The following COL22A1 variants were observed in gnomAD, a reference collection of about 807,000 sequenced individuals.
The protein encoded by COL22A1 is collagen alpha-1(XXII) chain.
COL22A1 carries 221 observed loss-of-function variants against 248.9 expected under a neutral mutation model. The ratio of observed to expected loss-of-function variants is 0.89; its 90% CI spans 0.80 to 0.99. The LOEUF (loss-of-function observed/expected upper bound fraction) is 0.99. Among genes scored for constraint, COL22A1 ranks in the 50% least tolerant of loss-of-function variants. The pLI is 0.00. For missense variants in COL22A1, 2,240 were observed against 2,179.0 expected (o/e 1.03, Z -0.56); for synonymous variants, 891 against 793.4 (o/e 1.12, Z -2.07).
At chr8:138,734,051 C>T (rs1032554423) in intron 23 of COL22A1, among the ~76,000 whole-genome samples, 2 of 152,200 alleles carry the variant, frequency 1.3e-5, no homozygotes, top group African/African-American at 4.8e-5. Flanking sequence ...GACCCTGCCT[C>T]GCCCTTGACC....
At chr8:138,718,827 T>C (rs544757930) in intron 27 of COL22A1, among the ~76,000 whole-genome samples, 34 of 152,318 alleles carry the variant, frequency 2.2e-4, no homozygotes, top group Non-Finnish European at 5.9e-5. Context: ...TCTCTGAATC[T>C]TTCAACCATG....
At chr8:138,678,061 G>C (rs1367770730) in intron 40 of COL22A1, among the ~76,000 whole-genome samples, 1 of 152,210 alleles carries the variant, frequency 6.6e-6, no homozygotes, top group African/African-American at 2.4e-5. Context: ...ATGGCTCTAA[G>C]ATGACTTGCC....
intron 47 of COL22A1, among the ~76,000 whole-genome samples, chr8:138,642,802 A>G (rs548617259): frequency 3.1e-3 from 470 of 152,308 alleles, no homozygotes; most frequent in African/African-American, 0.01. Flanking sequence ...AAGCCAAGGC[A>G]GGCAGATCAA....
intron 23 of COL22A1, among the ~76,000 whole-genome samples, chr8:138,735,820 G>A (rs1235575973): frequency 6.6e-6 from 1 of 152,188 alleles, no homozygotes; most frequent in Non-Finnish European, 1.5e-5. Context: ...TTTCATGTCA[G>A]CCAGTAGGAA....
chr8:138,645,457 G>C lies in COL22A1; in HGVS notation c.3501+1172C>G, dbSNP rs533857013. Among the ~76,000 whole-genome samples, 8 of 152,162 alleles carry C rather than the reference G, an allele frequency of 5.3e-5. No individual in the cohort carries two copies. In the South Asian group the frequency reaches 1.5e-3, roughly 28 times the overall value. ...CTTTTTCTTTTGCAATAAATTACTC[G>C]ATGTTGCATCTCCTTTGCTGTGTGT... On this transcript the variant is annotated intron_variant, in intron 47 of 64. Transcript: ENST00000303045.
intron 32 of COL22A1, among the ~76,000 whole-genome samples, chr8:138,698,878 G>T (rs933863575): frequency 6.6e-6 from 1 of 152,264 alleles, no homozygotes; most frequent in Non-Finnish European, 1.5e-5. Context: ...CTCTGCCAGA[G>T]CGGAGCAGAG....
At chr8:138,648,230 G>C (rs6982882) in intron 46 of COL22A1, among the ~76,000 whole-genome samples, 131,788 of 152,186 alleles carry the variant, frequency 0.87, 57,419 homozygotes, top group Middle Eastern at 0.96. Context: ...GAGAAATTTC[G>C]AGGACTGTGG....
rs958284385 is a variant in COL22A1, at chr8:138,619,506, G to A, written c.3774C>T (p.Gly1258=). 1 of 1,613,752 alleles carries A rather than the reference G, an allele frequency of 6.2e-7. No homozygotes were observed. The highest frequency in any genetic ancestry group is 8.5e-7 in the Non-Finnish European group (1 of 1,179,814). ...CTGGTAGACCTGGCTCTCCTGCTTTGCCCTGAGAGTAAGGAAGAAAAGAAG... is the reference window on the plus strand; with the variant it reads ...CTGGTAGACCTGGCTCTCCTGCTTTACCCTGAGAGTAAGGAAGAAAAGAAG... ...DGKPGPPGEP[G]KAGEPGLPGP... is the part of the protein sequence containing the mutation. Residue 1258 remains glycine (G), a splice_region_variant and synonymous_variant, in exon 53 of 65, where the codon GGC becomes GGT. Transcript: ENST00000303045.
chr8:138,613,006 T>C (rs1377991906), intron 56 of COL22A1, among the ~76,000 whole-genome samples: 2 of 146,550 alleles, frequency 1.4e-5, no homozygotes, highest in African/African-American at 5.0e-5. Flanking sequence ...CCCAATACTT[T>C]GGGAGGGCGA....
At chr8:138,602,932 T>C (rs1780616882) in intron 59 of COL22A1, among the ~76,000 whole-genome samples, 1 of 152,234 alleles carries the variant, frequency 6.6e-6, no homozygotes, top group Non-Finnish European at 1.5e-5. Flanking sequence ...TCCCCAGATA[T>C]GATGACCAAG....
chr8:138,755,631 T>A, intron 19 of COL22A1, 120 bp from the exon 20 acceptor site: 1 of 1,353,710 alleles, frequency 7.4e-7, no homozygotes. Flanking sequence ...GCCTCCTGAC[T>A]TTTCTCTGAT....
At chr8:138,770,288 C>A (rs570883720) in intron 16 of COL22A1, among the ~76,000 whole-genome samples, 31 of 152,308 alleles carry the variant, frequency 2.0e-4, no homozygotes, top group Middle Eastern at 3.4e-3. Flanking sequence ...CAGTGCTTGG[C>A]CCTTTTTGTG....
At chr8:138,723,113 T>G (rs1019948189) in intron 25 of COL22A1, among the ~76,000 whole-genome samples, 2 of 152,156 alleles carry the variant, frequency 1.3e-5, no homozygotes, top group African/African-American at 4.8e-5. Flanking sequence ...ATGACTGACA[T>G]TAGGGAAATC....
intron 23 of COL22A1, 69 bp from the exon 24 acceptor site, chr8:138,725,509 T>A: frequency 7.6e-7 from 1 of 1,321,870 alleles, no homozygotes; most frequent in Non-Finnish European, 1.1e-6. Context: ...AGTGGGCATT[T>A]GAAAGAGGCA....
At chr8:138,782,603 T>A (rs140845738) in intron 12 of COL22A1, among the ~76,000 whole-genome samples, 2 of 152,078 alleles carry the variant, frequency 1.3e-5, no homozygotes, top group Non-Finnish European at 2.9e-5. Flanking sequence ...GAGGTGAAGG[T>A]TGCAGGTGCC....
At chr8:138,802,784 C>T (rs1239502347) in intron 11 of COL22A1, 88 bp downstream of exon 11, 2 of 1,016,036 alleles carry the variant, frequency 2.0e-6, no homozygotes, top group Middle Eastern at 4.1e-4. Flanking sequence ...ATTCAGCCCA[C>T]ACTTGCTGAT....
intron 54 of COL22A1, 43 bp downstream of exon 54, chr8:138,616,871 T>G (rs1221344602): frequency 1.2e-6 from 2 of 1,611,698 alleles, no homozygotes; most frequent in South Asian, 2.2e-5. Flanking sequence ...AAGTGTAAGC[T>G]CTGCCCACCT....
chr8:138,707,762 C>T (rs948235131), intron 30 of COL22A1, among the ~76,000 whole-genome samples: 2 of 152,198 alleles, frequency 1.3e-5, no homozygotes, highest in Admixed American at 1.3e-4. Context: ...TCCTATTCAA[C>T]ATAGTGTTGG....
intron 2 of COL22A1, among the ~76,000 whole-genome samples, chr8:138,882,240 T>C (rs1322500687): frequency 6.6e-6 from 1 of 151,950 alleles, no homozygotes; most frequent in Non-Finnish European, 1.5e-5. Context: ...TGTCACGCTC[T>C]CTCCTCCTCT....
Sources: gnomAD v4.1 joint callset for allele counts (sites outside exome capture counted in the v4.1 genomes callset) on GRCh38, gnomAD v4.1.1 for gene constraint, MANE v1.5 for transcripts, NCBI Gene and HGNC (gene_info 2026-07-23, HGNC 2026-07-21) for gene names.